Variants in NIBAN1 observed in about 807,000 individuals in gnomAD.
NIBAN1 encodes the protein protein Niban 1.
In NIBAN1, 81 loss-of-function variants were observed where a neutral mutation model predicts 75.1. The ratio of observed to expected loss-of-function variants is 1.08; its 90% CI spans 0.90 to 1.30. NIBAN1 has a LOEUF of 1.30. NIBAN1 is among the 50% of genes most tolerant of loss of function. The probability of loss-of-function intolerance (pLI) is 0.00; values close to 1 mark genes in which losing one functional copy is unlikely to be tolerated. For synonymous variants in NIBAN1, 436 were observed against 424.8 expected (o/e 1.03, Z -0.32); for missense variants, 1,133 against 1,128.1 (o/e 1.00, Z -0.06).
intron 1 of NIBAN1, among the ~76,000 whole-genome samples, chr1:184,960,159 C>A (rs1658592228): frequency 6.6e-6 from 1 of 152,184 alleles, no homozygotes; most frequent in South Asian, 2.1e-4. Flanking sequence ...CATATACATG[C>A]TTAAAATGAT....
At chr1:184,957,270 G>T (rs1412010209) in intron 1 of NIBAN1, among the ~76,000 whole-genome samples, 1 of 152,168 alleles carries the variant, frequency 6.6e-6, no homozygotes, top group Non-Finnish European at 1.5e-5. Context: ...TTGAGGGGAG[G>T]AGTATGTGTA....
chr1:184,885,466 C>T (rs1403732586), intron 4 of NIBAN1, among the ~76,000 whole-genome samples: 6 of 152,154 alleles, frequency 3.9e-5, no homozygotes, highest in South Asian at 4.1e-4. Context: ...TGAGCCACCG[C>T]GCCCAGCCTG....
intron 5 of NIBAN1, among the ~76,000 whole-genome samples, chr1:184,845,682 C>T (rs1655420853): frequency 5.9e-5 from 2 of 33,652 alleles, no homozygotes; most frequent in Non-Finnish European, 1.2e-4. Flanking sequence ...ACGCAGAAGA[C>T]GGGTGATTTC....
chr1:184,817,261 C>T (rs1654564571), intron 9 of NIBAN1, among the ~76,000 whole-genome samples: 1 of 152,184 alleles, frequency 6.6e-6, no homozygotes, highest in Non-Finnish European at 1.5e-5. Context: ...TTTTCTTAAT[C>T]CAGTCTATCA....
chr1:184,953,911 G>A (rs929374168), intron 1 of NIBAN1, among the ~76,000 whole-genome samples: 1 of 152,200 alleles, frequency 6.6e-6, no homozygotes, highest in African/African-American at 2.4e-5. Flanking sequence ...CAACCTCAGA[G>A]TCTAGTGACG....
At chr1:184,870,426 G>A (rs537813918) in intron 5 of NIBAN1, among the ~76,000 whole-genome samples, 181 of 152,228 alleles carry the variant, frequency 1.2e-3, no homozygotes, top group African/African-American at 4.0e-3. Flanking sequence ...TATAGTTGCC[G>A]GGAGCATTCA....
At chr1:184,881,021 G>A (rs1031534761) in intron 5 of NIBAN1, among the ~76,000 whole-genome samples, 6 of 152,070 alleles carry the variant, frequency 3.9e-5, no homozygotes, top group African/African-American at 1.4e-4. Flanking sequence ...AATCTTGTGG[G>A]ATTTTCTTAT....
At chr1:184,858,644 C>T (rs940422018) in intron 5 of NIBAN1, among the ~76,000 whole-genome samples, 1 of 152,130 alleles carries the variant, frequency 6.6e-6, no homozygotes, top group African/African-American at 2.4e-5. Context: ...AATCTGGCAA[C>T]ATCTATTAAG....
intron 9 of NIBAN1, among the ~76,000 whole-genome samples, chr1:184,808,964 T>A (rs1433449084): frequency 6.6e-6 from 1 of 152,196 alleles, no homozygotes; most frequent in East Asian, 1.9e-4. Flanking sequence ...CCAAGCTTAG[T>A]TTAAAATCAT....
intron 12 of NIBAN1, among the ~76,000 whole-genome samples, 179 bp downstream of exon 12, chr1:184,803,406 T>C (rs1460145139): frequency 6.6e-6 from 1 of 152,236 alleles, no homozygotes; most frequent in East Asian, 1.9e-4. Context: ...AGCTGAATAG[T>C]TGCAACAGAA....
At chr1:184,917,593 C>T (rs1283369151) in intron 1 of NIBAN1, among the ~76,000 whole-genome samples, 1 of 151,954 alleles carries the variant, frequency 6.6e-6, no homozygotes, top group African/African-American at 2.4e-5. Flanking sequence ...ACTCAGACTT[C>T]CTCTTTTAAG....
chr1:184,960,852 A>T (rs899912948), intron 1 of NIBAN1, among the ~76,000 whole-genome samples: 10 of 151,678 alleles, frequency 6.6e-5, no homozygotes, highest in African/African-American at 2.4e-4. Context: ...CTGGTCTCGA[A>T]CTCCTGACCT....
chr1:184,871,812 A>G (rs1656116342), intron 5 of NIBAN1, among the ~76,000 whole-genome samples: 1 of 152,210 alleles, frequency 6.6e-6, no homozygotes, highest in African/African-American at 2.4e-5. Flanking sequence ...TCTAAGGAAA[A>G]TTGTCTGTCT....
rs149353244 is a variant in NIBAN1 at position 184,964,631 on chromosome 1, C to T, written c.55+9671G>A. Among the ~76,000 whole-genome samples the T allele has an allele frequency of 3.9e-5, 6 of 152,256 alleles. No homozygotes were observed. The East Asian group carries it at 1.2e-3, about 29-fold the overall frequency. On this transcript the variant is annotated intron_variant, in intron 1 of 13. Coordinates refer to ENST00000367511, the MANE Select transcript of NIBAN1 (RefSeq NM_052966.4). ...GAGCTCATGCATGCAATGCTCTTAG[C>T]TCAGTGTCTGTCCCATGGTAAGGGT... is the stretch of plus-strand genomic sequence containing the variant.
chr1:184,868,582 T>A (rs1656017918), intron 5 of NIBAN1: 1 of 152,232 alleles, frequency 6.6e-6, no homozygotes, highest in South Asian at 2.1e-4. Flanking sequence ...GAGAAAAGAC[T>A]TAACTTCTGC....
intron 2 of NIBAN1, among the ~76,000 whole-genome samples, chr1:184,894,683 A>G (rs1008992279): frequency 6.6e-6 from 1 of 152,188 alleles, no homozygotes; most frequent in African/African-American, 2.4e-5. Context: ...TCCAATTCTC[A>G]ATGGTTTTCC....
intron 5 of NIBAN1, among the ~76,000 whole-genome samples, chr1:184,852,429 A>C (rs1655566269): frequency 6.6e-6 from 1 of 152,214 alleles, no homozygotes; most frequent in South Asian, 2.1e-4. Flanking sequence ...CTGCACTAGA[A>C]TGTCCTTATG....
At chr1:184,900,369 C>T (rs931447391) in intron 1 of NIBAN1, among the ~76,000 whole-genome samples, 6 of 152,142 alleles carry the variant, frequency 3.9e-5, no homozygotes, top group Non-Finnish European at 7.3e-5. Context: ...TCAAGTCATT[C>T]GACTCTCAAG....
At chr1:184,919,400 A>T in intron 1 of NIBAN1, among the ~76,000 whole-genome samples, 1 of 152,170 alleles carries the variant, frequency 6.6e-6, no homozygotes, top group East Asian at 1.9e-4. Context: ...CATCAAAACT[A>T]CATGTTTACA....
Sources: allele counts gnomAD v4.1 joint callset (sites outside exome capture counted in the v4.1 genomes callset), GRCh38; gene constraint gnomAD v4.1.1; transcripts MANE v1.5; gene names NCBI Gene and HGNC (gene_info 2026-07-23, HGNC 2026-07-21).